Variants in PTOV1 observed in about 807,000 individuals in gnomAD.
PTOV1 encodes the protein prostate tumor-overexpressed gene 1 protein.
PTOV1 carries 20 observed loss-of-function variants against 58.0 expected under a neutral mutation model. The observed-to-expected ratio is 0.34, with a 90% CI of 0.24 to 0.50. The LOEUF is 0.50. PTOV1 is among the 20% of genes least tolerant of loss of function. The pLI is 0.98. For missense variants in PTOV1, 593 were observed against 565.4 expected (o/e 1.05, Z -0.50); for synonymous variants, 335 against 234.2 (o/e 1.43, Z -3.93).
chr19:49,851,157 T>A (rs1481365679), upstream of PTOV1: 3 of 1,255,302 alleles, frequency 2.4e-6, no homozygotes, highest in African/African-American at 1.6e-5. Flanking sequence ...CCCGCTCGCC[T>A]CAGTGGTTCG....
chr19:49,851,312 C>G, exon 1 of PTOV1: 1 of 1,054,826 alleles, frequency 9.5e-7, no homozygotes, highest in Non-Finnish European at 1.1e-6. Flanking sequence ...TCCCCGCCCG[C>G]TCGGCCCGCG....
exon 1 of PTOV1, chr19:49,851,172 C>T (rs1172290283): frequency 1.7e-5 from 21 of 1,236,580 alleles, no homozygotes; most frequent in East Asian, 3.4e-5. Context: ...GGTTCGGCCG[C>T]GGCGACCCCA....
chr19:49,857,513 G>A (rs2074528322), intron 6 of PTOV1, 180 bp from the exon 7 acceptor site: 5 of 658,752 alleles, frequency 7.6e-6, no homozygotes, highest in Middle Eastern at 4.1e-4. Flanking sequence ...TCAGGCCACT[G>A]GGGAGCCATG....
chr19:49,852,882 C>A, intron 1 of PTOV1: 1 of 152,236 alleles, frequency 6.6e-6, no homozygotes, highest in Non-Finnish European at 1.5e-5. Flanking sequence ...CGAAAGTCAC[C>A]TCCAGCTGTG....
intron 1 of PTOV1, among the ~76,000 whole-genome samples, chr19:49,854,083 G>A (rs1361385734): frequency 6.6e-6 from 1 of 152,236 alleles, no homozygotes; most frequent in Non-Finnish European, 1.5e-5. Context: ...TCTAACTTGG[G>A]TCTCAAGAAT....
chr19:49,858,712 G>T, intron 10 of PTOV1, 59 bp downstream of exon 10: 1 of 1,372,610 alleles, frequency 7.3e-7, no homozygotes. Context: ...AGCCCGGACC[G>T]CTCACGGGGG....
At chr19:49,854,382 C>T in intron 1 of PTOV1, 24 bp from the exon 2 acceptor site, 3 of 1,595,864 alleles carry the variant, frequency 1.9e-6, no homozygotes, top group Non-Finnish European at 2.6e-6. Flanking sequence ...TCAGTTTTCC[C>T]ACCTATCCCC....
exon 9 of PTOV1, chr19:49,858,094 C>T (rs1238586273): frequency 6.2e-7 from 1 of 1,613,730 alleles, no homozygotes; most frequent in African/African-American, 1.3e-5. Flanking sequence ...GTACATGCAG[C>T]TCATCCCGCA....
chr19:49,858,485 G>A lies in PTOV1; in HGVS notation c.937-64G>A, dbSNP rs182427638. The A allele has an allele frequency of 5.6e-5, 76 of 1,368,138 alleles. No homozygotes were observed. The African/African-American group carries it at 8.6e-4, about 16-fold the overall frequency. The allele number at this position is 1,368,138 out of a possible 1,614,324, so 84.7% of individuals were successfully genotyped here. ...GGTCCTGGGCCCGGGGGACTCAGCG[G>A]GCTGGGAGCCGGGAGGCCGTGGTGG... On this transcript the variant is annotated intron_variant, in intron 9 of 11. Transcript: ENST00000391842.
intron 1 of PTOV1, chr19:49,851,927 C>T: frequency 1.1e-6 from 1 of 920,752 alleles, no homozygotes; most frequent in African/African-American, 2.7e-5. Flanking sequence ...CCCCAGATGT[C>T]GCACCCGTGG....
In PTOV1 at chr19:49,854,504, C is replaced by G. The variant is rs1011867307; in HGVS notation, c.270C>G (p.Asn90Lys). ...CCGTGAGCGAGCACCGGCTCAGCAA[C>G]AAGCTGCTGGCTTGGAGCGGCGTCC... Residue 90 changes from asparagine to lysine, a missense_variant, in exon 2 of 12, where the codon AAC (asparagine) becomes AAG (lysine). Coordinates refer to ENST00000391842, the Ensembl canonical transcript of PTOV1. 2.5e-6 allele frequency: 4 copies of G among 1,613,114 alleles called. No homozygotes were observed. In the African/African-American group the frequency reaches 5.3e-5, roughly 22 times the overall value.
chr19:49,850,755 C>T (rs2074208961), upstream of PTOV1: 1 of 1,189,350 alleles, frequency 8.4e-7, no homozygotes, highest in African/African-American at 1.5e-5. Context: ...GGCTCGGGTG[C>T]AATCCGTACC....
rs939943975 is a variant in PTOV1 at position 49,856,837 on chromosome 19, A to C, written c.559-138A>C. 1.2e-5 allele frequency: 12 copies of C among 1,034,520 alleles called. No homozygotes were observed. In the East Asian group the frequency reaches 3.1e-4, roughly 26 times the overall value. The allele number at this position is 1,034,520 out of a possible 1,614,324, so 64.1% of individuals were successfully genotyped here. A position where few individuals can be genotyped will look rare whatever the true frequency, so the allele number is the denominator to read the frequency against. ...ACGGGCTCTCAGAGGCCCCTCACCT[A>C]TGGCCATGGCCTTGACTGTGGGGGC... On this transcript the variant is annotated intron_variant, in intron 5 of 11. Coordinates refer to ENST00000391842, the Ensembl canonical transcript of PTOV1.
chr19:49,851,938 GC>G, intron 1 of PTOV1: 2 of 833,432 alleles, frequency 2.4e-6, no homozygotes, highest in Non-Finnish European at 2.6e-6. Context: ...GCACCCGTGG[GC>G]GTTCTCCCCT....
chr19:49,857,535 G>A lies in PTOV1; in HGVS notation c.715-158G>A, dbSNP rs79953486. The A allele has an allele frequency of 1.5e-3, 1,091 of 708,306 alleles. 7 individuals are homozygous for A. In the African/African-American group the frequency reaches 0.018, roughly 12 times the overall value. The allele number at this position is 708,306 out of a possible 1,614,324, so 43.9% of individuals were successfully genotyped here. A position where few individuals can be genotyped will look rare whatever the true frequency, so the allele number is the denominator to read the frequency against. On this transcript the variant is annotated intron_variant, in intron 6 of 11. Coordinates refer to ENST00000391842, the Ensembl canonical transcript of PTOV1. ...ACTGGGGAGCCATGGGGGGCTGTGAGCAGATGAGGGGCAGGGCCTGTTCCC... is the reference window on the plus strand; with the variant it reads ...ACTGGGGAGCCATGGGGGGCTGTGAACAGATGAGGGGCAGGGCCTGTTCCC...
chr19:49,858,367 C>T (rs1333443742), intron 9 of PTOV1, 182 bp from the exon 10 acceptor site: 2 of 679,986 alleles, frequency 2.9e-6, no homozygotes, highest in Non-Finnish European at 2.5e-6. Flanking sequence ...GCCAAGGGAT[C>T]TGAGAGCGGC....
intron 5 of PTOV1, chr19:49,855,494 C>T (rs531119061): frequency 8.5e-6 from 2 of 236,416 alleles, no homozygotes; most frequent in East Asian, 2.0e-4. Context: ...GGGCTAACCT[C>T]CCCGAGTGGC....
upstream of PTOV1, chr19:49,851,120 G>T (rs2074223465): frequency 1.5e-6 from 2 of 1,350,524 alleles, no homozygotes; most frequent in Admixed American, 3.7e-5. Context: ...ACGCCCCCTC[G>T]GACGCGCTTG....
rs1216893518 is a variant in PTOV1, at chr19:49,856,959, C to T, written c.559-16C>T. 5 of 1,611,650 alleles carry T rather than the reference C, an allele frequency of 3.1e-6. No individual in the cohort carries two copies. The African/African-American group carries it at 5.3e-5, about 17-fold the overall frequency. ...CCGGGCAGTGACCACAGGGTCCTGA[C>T]CCGCGGCCCCCGCAGGCGGGCTGCA... is the stretch of plus-strand genomic sequence containing the variant. On this transcript the variant is annotated splice_polypyrimidine_tract_variant and intron_variant, in intron 5 of 11. Coordinates refer to ENST00000391842, the Ensembl canonical transcript of PTOV1.
Sources: allele counts gnomAD v4.1 joint callset (sites outside exome capture counted in the v4.1 genomes callset), GRCh38; gene constraint gnomAD v4.1.1; transcripts MANE v1.5; gene names NCBI Gene and HGNC (gene_info 2026-07-23, HGNC 2026-07-21).